The following SEMA3E variants were observed in gnomAD, a reference collection of about 807,000 sequenced individuals.
SEMA3E encodes the protein semaphorin 3E, also known as semaphorin-3E.
A neutral mutation model predicts 93.6 loss-of-function variants in SEMA3E; 49 were observed. That is an observed-to-expected ratio of 0.52 (90% CI 0.42 to 0.66). The LOEUF (loss-of-function observed/expected upper bound fraction) is 0.66, where lower values mean the gene tolerates loss of function less well. Among genes scored for constraint, SEMA3E ranks in the 30% least tolerant of loss-of-function variants. The probability of loss-of-function intolerance (pLI) is 0.00; values close to 1 mark genes in which losing one functional copy is unlikely to be tolerated. For synonymous variants in SEMA3E, 363 were observed against 330.7 expected, an observed-to-expected ratio of 1.10 and a Z score of -1.06; for missense variants, 906 against 964.8, an observed-to-expected ratio of 0.94 and a Z score of 0.81.
intron 4 of SEMA3E, among the ~76,000 whole-genome samples, chr7:83,421,538 T>A (rs2115707044): frequency 7.0e-6 from 1 of 141,916 alleles, no homozygotes; most frequent in Admixed American, 7.0e-5. Flanking sequence ...TTGAAAAACT[T>A]GTATAAAAAA....
intron 1 of SEMA3E, among the ~76,000 whole-genome samples, chr7:83,574,901 A>C (rs971930865): frequency 6.6e-6 from 1 of 152,242 alleles, no homozygotes; most frequent in Admixed American, 6.5e-5. Flanking sequence ...CCACAGAACC[A>C]CGAACTAAAG....
intron 4 of SEMA3E, among the ~76,000 whole-genome samples, chr7:83,431,762 G>A (rs1484182251): frequency 6.6e-6 from 1 of 152,186 alleles, no homozygotes; most frequent in East Asian, 1.9e-4. Context: ...GGCAATTGGT[G>A]TTAATAACTA....
intron 1 of SEMA3E, among the ~76,000 whole-genome samples, chr7:83,603,048 G>C (rs574268010): frequency 6.6e-6 from 1 of 152,138 alleles, no homozygotes; most frequent in Admixed American, 6.5e-5. Flanking sequence ...AATTTTTATT[G>C]CTTTATGCGT....
At chr7:83,536,686 C>G (rs1380451357) in intron 1 of SEMA3E, among the ~76,000 whole-genome samples, 3 of 151,908 alleles carry the variant, frequency 2.0e-5, no homozygotes, top group African/African-American at 4.8e-5. Context: ...ATTAAAAAAA[C>G]AAAACCAGAC....
intron 4 of SEMA3E, among the ~76,000 whole-genome samples, chr7:83,464,357 A>T (rs1224737606): frequency 6.6e-6 from 1 of 150,924 alleles, no homozygotes; most frequent in Non-Finnish European, 1.5e-5. Flanking sequence ...TCCAGACACC[A>T]GACCAACTTA....
At chr7:83,616,496 A>T (rs1008060819) in intron 1 of SEMA3E, 3 of 231,194 alleles carry the variant, frequency 1.3e-5, no homozygotes, top group Admixed American at 5.5e-5. Flanking sequence ...AGATTCTAAT[A>T]AAAAAAAATA....
At chr7:83,384,762 G>A (rs1332911760) in intron 16 of SEMA3E, among the ~76,000 whole-genome samples, 1 of 152,004 alleles carries the variant, frequency 6.6e-6, no homozygotes, top group Non-Finnish European at 1.5e-5. Context: ...AAAGAGCGGG[G>A]TCTTTCCTTT....
chr7:83,524,446 AC>A (rs1479417571), intron 1 of SEMA3E, among the ~76,000 whole-genome samples: 1 of 152,132 alleles, frequency 6.6e-6, no homozygotes, highest in Non-Finnish European at 1.5e-5. Context: ...TAGTTTCATT[AC>A]TCACTAAGTT....
At chr7:83,509,317 G>A (rs1584297825) in intron 1 of SEMA3E, among the ~76,000 whole-genome samples, 1 of 152,124 alleles carries the variant, frequency 6.6e-6, no homozygotes, top group Admixed American at 6.5e-5. Flanking sequence ...AAACATGAAG[G>A]TTGATCCAAA....
chr7:83,396,815 AG>A, intron 11 of SEMA3E, 86 bp from the exon 12 acceptor site: 1 of 847,390 alleles, frequency 1.2e-6, no homozygotes, highest in Non-Finnish European at 1.9e-6. Flanking sequence ...TGGGTGCAGT[AG>A]CTCATGCCTG....
chr7:83,365,794 CT>C lies in SEMA3E; in HGVS notation c.*1791del. 6.6e-6 allele frequency: 1 copy of C among 152,176 alleles called. No individual in the cohort carries two copies. Among genetic ancestry groups the C allele is most frequent in the South Asian group, 2.1e-4 (1 of 4,820 alleles). The allele number at this position is 152,176 out of a possible 1,614,324, so 9.4% of individuals were successfully genotyped here. On this transcript the variant is annotated 3_prime_UTR_variant, in exon 17 of 17. Coordinates refer to ENST00000643230, the MANE Select transcript of SEMA3E (RefSeq NM_012431.3). The stretch of plus-strand genomic sequence containing the variant: ...TTTTCAATAAAGTGTACTTAATTGA[CT>C]TATTTGTTCAGACATAAACTTTGTA...
chr7:83,457,346 A>G (rs1232405751), intron 4 of SEMA3E, among the ~76,000 whole-genome samples: 1 of 152,214 alleles, frequency 6.6e-6, no homozygotes, highest in Non-Finnish European at 1.5e-5. Flanking sequence ...TCAAATAACC[A>G]TAAGTGAAAA....
intron 2 of SEMA3E, among the ~76,000 whole-genome samples, chr7:83,471,645 T>G (rs559582189): frequency 9.2e-5 from 14 of 152,302 alleles, no homozygotes; most frequent in South Asian, 8.3e-4. Flanking sequence ...CTGAGGATTT[T>G]TTTGTTTGTT....
intron 1 of SEMA3E, among the ~76,000 whole-genome samples, chr7:83,641,670 G>A (rs1198391788): frequency 1.3e-5 from 2 of 152,112 alleles, no homozygotes; most frequent in African/African-American, 4.8e-5. Context: ...ACTCTAATAA[G>A]AGCTGGTGTT....
chr7:83,537,353 C>T (rs1791427638), intron 1 of SEMA3E, among the ~76,000 whole-genome samples: 1 of 152,086 alleles, frequency 6.6e-6, no homozygotes, highest in African/African-American at 2.4e-5. Context: ...GCTTTCTTCC[C>T]CTCCAATTCA....
chr7:83,582,730 T>TAAA (rs1792539744), intron 1 of SEMA3E, among the ~76,000 whole-genome samples: 1 of 152,122 alleles, frequency 6.6e-6, no homozygotes, highest in Non-Finnish European at 1.5e-5. Flanking sequence ...CCTTTGAATT[T>TAAA]TTTTAGATAA....
chr7:83,542,213 A>G (rs1791550503), intron 1 of SEMA3E, among the ~76,000 whole-genome samples: 1 of 151,954 alleles, frequency 6.6e-6, no homozygotes, highest in Non-Finnish European at 1.5e-5. Flanking sequence ...TTAGCCAGGC[A>G]TGGTGGCACA....
chr7:83,600,114 C>G (rs1043400950), intron 1 of SEMA3E, among the ~76,000 whole-genome samples: 1 of 152,234 alleles, frequency 6.6e-6, no homozygotes, highest in East Asian at 1.9e-4. Context: ...ATAATCCCTA[C>G]AGACTCGATA....
At chr7:83,519,879 G>A (rs1485005249) in intron 1 of SEMA3E, among the ~76,000 whole-genome samples, 3 of 152,000 alleles carry the variant, frequency 2.0e-5, no homozygotes, top group Non-Finnish European at 2.9e-5. Context: ...TAAGTTACTT[G>A]CCCAAGGACA....
Sources: gnomAD v4.1 joint callset for allele counts (sites outside exome capture counted in the v4.1 genomes callset) on GRCh38, gnomAD v4.1.1 for gene constraint, MANE v1.5 for transcripts, NCBI Gene and HGNC (gene_info 2026-07-23, HGNC 2026-07-21) for gene names.